ANO10: variants seen among roughly 807,000 people sequenced by gnomAD.
ANO10 encodes the protein anoctamin 10, also known as anoctamin-10.
In ANO10, 77 loss-of-function variants were observed where a neutral mutation model predicts 74.7. The observed-to-expected ratio is 1.03, with a 90% CI of 0.86 to 1.25. The LOEUF (loss-of-function observed/expected upper bound fraction) is 1.25. Among genes scored for constraint, ANO10 ranks in the 50% most tolerant of loss-of-function variants. ANO10 has a pLI of 0.00. For missense variants in ANO10, 721 were observed against 778.1 expected (o/e 0.93, Z 0.87); for synonymous variants, 279 against 284.9 (o/e 0.98, Z 0.21).
chr3:43,643,523 A>G (rs1010257614), intron 1 of ANO10, among the ~76,000 whole-genome samples: 1 of 151,798 alleles, frequency 6.6e-6, no homozygotes, highest in Non-Finnish European at 1.5e-5. Context: ...TCTTATTGTA[A>G]GGGAAATTGG....
chr3:43,499,315 C>T (rs551578523), intron 11 of ANO10, among the ~76,000 whole-genome samples: 95 of 152,166 alleles, frequency 6.2e-4, no homozygotes, highest in African/African-American at 2.1e-3. Flanking sequence ...TTTCCACAGC[C>T]ATGTACAGTC....
intron 1 of ANO10, among the ~76,000 whole-genome samples, chr3:43,631,580 C>CT (rs973519488): frequency 4.6e-5 from 7 of 151,130 alleles, no homozygotes; most frequent in South Asian, 2.1e-4. Flanking sequence ...AAACATAGTG[C>CT]TTTTTTTTTC....
At chr3:43,429,474 G>C in intron 12 of ANO10, among the ~76,000 whole-genome samples, 1 of 152,084 alleles carries the variant, frequency 6.6e-6, no homozygotes, top group East Asian at 1.9e-4. Context: ...CTGGAGTTAA[G>C]ATATGTATGC....
In ANO10 at chr3:43,600,343, G is replaced by A. The variant is rs375828918; in HGVS notation, c.337+41C>T. 4.0e-4 allele frequency: 639 copies of A among 1,606,014 alleles called. 4 individuals are homozygous for A. Among genetic ancestry groups the A allele is most frequent in the Non-Finnish European group, 3.0e-4 (350 of 1,173,086 alleles). ...ATCTATTCATCATAAACTTCTTTTTGATAAATGGATTCTAACAGAGACAAA... is the reference window on the plus strand; with the variant it reads ...ATCTATTCATCATAAACTTCTTTTTAATAAATGGATTCTAACAGAGACAAA... On this transcript the variant is annotated intron_variant, in intron 3 of 12. Transcript: ENST00000292246.
Position 43,432,666 on chromosome 3 carries a change from A to C in ANO10, c.1859T>G (p.Ile620Ser). Residue 620 changes from isoleucine to serine, a missense_variant, in exon 12 of 13, where the codon ATC becomes AGC. Coordinates refer to ENST00000292246, the MANE Select transcript of ANO10 (RefSeq NM_018075.5). ...AFAIPDKPRHIQMKLARLEFE... is the reference protein window; with the variant it reads ...AFAIPDKPRHSQMKLARLEFE... ...TTCCAGTCTGGCTAGTTTCATCTGG[A>C]TATGCCGTGGCTTATCAGGTATGGC... 1 of 1,613,956 alleles carries C rather than the reference A, an allele frequency of 6.2e-7. No individual in the cohort carries two copies. Among genetic ancestry groups the C allele is most frequent in the Non-Finnish European group, 8.5e-7 (1 of 1,179,916 alleles).
intron 11 of ANO10, among the ~76,000 whole-genome samples, chr3:43,527,541 C>T (rs1471304357): frequency 6.6e-6 from 1 of 152,066 alleles, no homozygotes; most frequent in African/African-American, 2.4e-5. Context: ...TCCATATATA[C>T]TCAAAACCAA....
At chr3:43,457,016 T>C (rs1256089802) in intron 11 of ANO10, among the ~76,000 whole-genome samples, 3 of 152,226 alleles carry the variant, frequency 2.0e-5, no homozygotes, top group African/African-American at 4.8e-5. Flanking sequence ...GGCACAATCA[T>C]TTCAATTTAT....
At chr3:43,522,449 T>C (rs935731608) in intron 11 of ANO10, among the ~76,000 whole-genome samples, 1 of 152,228 alleles carries the variant, frequency 6.6e-6, no homozygotes, top group Non-Finnish European at 1.5e-5. Context: ...TGTCATTGCA[T>C]ATATAGCACA....
At chr3:43,393,951 TGCCCTATACATAA>T (rs1187098152) in intron 12 of ANO10, among the ~76,000 whole-genome samples, 1 of 152,084 alleles carries the variant, frequency 6.6e-6, no homozygotes, top group Non-Finnish European at 1.5e-5. Flanking sequence ...CTAATTTTTC[TGCCCTATACATAA>T]GCCTAGGAAC....
chr3:43,600,692 A>T, intron 2 of ANO10, 111 bp from the exon 3 acceptor site: 2 of 918,868 alleles, frequency 2.2e-6, no homozygotes, highest in Non-Finnish European at 3.4e-6. Context: ...AAGAAATTAT[A>T]TTAGCAATTT....
intron 11 of ANO10, among the ~76,000 whole-genome samples, chr3:43,520,566 A>T (rs1044361679): frequency 3.9e-5 from 6 of 152,290 alleles, no homozygotes; most frequent in Non-Finnish European, 7.4e-5. Context: ...AAATCAATTG[A>T]CCATAAAATG....
At chr3:43,601,982 G>A (rs2082354763) in intron 2 of ANO10, among the ~76,000 whole-genome samples, 1 of 152,166 alleles carries the variant, frequency 6.6e-6, no homozygotes, top group Admixed American at 6.5e-5. Flanking sequence ...TGGGCACGGA[G>A]GGGACACCTG....
At chr3:43,468,131 C>T (rs912886767) in intron 11 of ANO10, among the ~76,000 whole-genome samples, 8 of 152,112 alleles carry the variant, frequency 5.3e-5, no homozygotes, top group Non-Finnish European at 1.2e-4. Context: ...CCTGCTTTGG[C>T]CATAATGTCT....
At chr3:43,575,428 C>G (rs2080949865) in intron 6 of ANO10, among the ~76,000 whole-genome samples, 1 of 152,204 alleles carries the variant, frequency 6.6e-6, no homozygotes, top group Non-Finnish European at 1.5e-5. Context: ...TGAACACCAA[C>G]TCAGCTACTC....
intron 12 of ANO10, among the ~76,000 whole-genome samples, chr3:43,382,971 T>C (rs1012529596): frequency 6.6e-6 from 1 of 152,172 alleles, no homozygotes; most frequent in Admixed American, 6.5e-5. Flanking sequence ...AACAATCCTA[T>C]TGACATTATT....
chr3:43,664,220 A>T (rs1166960508), intron 1 of ANO10, among the ~76,000 whole-genome samples: 2 of 152,168 alleles, frequency 1.3e-5, no homozygotes. Flanking sequence ...CCTCAGAAAT[A>T]ACACCACACA....
At chr3:43,564,109 T>G (rs1261465353) in intron 8 of ANO10, among the ~76,000 whole-genome samples, 2 of 152,082 alleles carry the variant, frequency 1.3e-5, no homozygotes, top group Non-Finnish European at 2.9e-5. Context: ...CACAGTTCAC[T>G]GCAGCCTGGA....
intron 11 of ANO10, among the ~76,000 whole-genome samples, chr3:43,435,910 T>G (rs959638384): frequency 1.3e-5 from 2 of 152,106 alleles, no homozygotes; most frequent in Non-Finnish European, 2.9e-5. Context: ...ACAGCAGAGA[T>G]AGAATCAGCT....
intron 1 of ANO10, among the ~76,000 whole-genome samples, chr3:43,612,140 TTATATATATATATA>T (rs55675402): frequency 0.013 from 823 of 64,556 alleles, 21 homozygotes; most frequent in South Asian, 0.028. Flanking sequence ...ATTAAATATT[TTATATATATATATA>T]TATATATATA....
Sources: gnomAD v4.1 joint callset for allele counts (sites outside exome capture counted in the v4.1 genomes callset) on GRCh38, gnomAD v4.1.1 for gene constraint, MANE v1.5 for transcripts, NCBI Gene and HGNC (gene_info 2026-07-23, HGNC 2026-07-21) for gene names.